Variants in ADAMTS3 observed in about 807,000 individuals in gnomAD.
ADAMTS3 encodes A disintegrin and metalloproteinase with thrombospondin motifs 3.
In ADAMTS3, 73 loss-of-function variants were observed where a neutral mutation model predicts 129.0. The observed-to-expected ratio is 0.57, with a 90% confidence interval of 0.47 to 0.69. The LOEUF is 0.69. ADAMTS3 is among the 30% of genes least tolerant of loss of function. The probability of loss-of-function intolerance (pLI) is 0.00; values close to 1 mark genes in which losing one functional copy is unlikely to be tolerated. For synonymous variants in ADAMTS3, 477 were observed against 510.8 expected (o/e 0.93, Z 0.89); for missense variants, 1,457 against 1,514.5 (o/e 0.96, Z 0.63).
rs139921635 is a variant in ADAMTS3 at position 72,315,920 on chromosome 4, G to A, written c.1537C>T (p.Pro513Ser). The A allele has an allele frequency of 9.3e-6, 15 of 1,613,310 alleles. No individual in the cohort carries two copies. The highest frequency in any genetic ancestry group is 7.7e-5 in the South Asian group (7 of 91,040). The change falls in exon 11 of 22, where the codon CCC becomes TCC. Residue 513 changes from proline to serine, a missense_variant. Pro to Ser is a moderately conservative substitution (Grantham distance 74). Transcript: ENST00000286657. ...CCCTTTTTAGTCTTACAAAAGTAGG[G>A]ATTATCAGGATGGCTACACCACAGC... is the stretch of plus-strand genomic sequence containing the variant. Reference protein sequence around the residue: ...KQLWCSHPDNPYFCKTKKGPP... With the variant: ...KQLWCSHPDNSYFCKTKKGPP...
At chr4:72,473,042 A>T (rs2109995840) in intron 3 of ADAMTS3, among the ~76,000 whole-genome samples, 1 of 152,312 alleles carries the variant, frequency 6.6e-6, no homozygotes, top group East Asian at 1.9e-4. Context: ...TAAAAATAAA[A>T]AATTAATATT....
intron 19 of ADAMTS3, among the ~76,000 whole-genome samples, chr4:72,294,600 T>A (rs1477941127): frequency 6.6e-6 from 1 of 152,050 alleles, no homozygotes; most frequent in Non-Finnish European, 1.5e-5. Flanking sequence ...AAAAACTCTA[T>A]AAGTACACAG....
At position 72,538,937 on chromosome 4, in the gene ADAMTS3, G is replaced by C. The variant is rs116120835; in HGVS notation, c.504+9541C>G. Among the ~76,000 whole-genome samples, 1,193 of 152,166 alleles carry C rather than the reference G, an allele frequency of 7.8e-3. 12 individuals carry two copies. Among genetic ancestry groups the C allele is most frequent in the Non-Finnish European group, 0.012 (795 of 67,996 alleles). ...GAAAAGACAGTCTTTTCAACAAATG[G>C]AGCTTGGAAAACTTGATATCCACAT... On this transcript the variant is annotated intron_variant, in intron 3 of 21. Transcript: ENST00000286657.
chr4:72,288,546 T>C (rs1258121774), intron 21 of ADAMTS3, among the ~76,000 whole-genome samples: 1 of 152,194 alleles, frequency 6.6e-6, no homozygotes, highest in Non-Finnish European at 1.5e-5. Context: ...GGCAGGGCTA[T>C]AGTGATCATG....
chr4:72,526,282 T>C (rs1720804538), intron 3 of ADAMTS3, among the ~76,000 whole-genome samples: 1 of 152,152 alleles, frequency 6.6e-6, no homozygotes, highest in African/African-American at 2.4e-5. Context: ...ATGAGCTGCT[T>C]TAGCAGCAGA....
intron 3 of ADAMTS3, among the ~76,000 whole-genome samples, chr4:72,429,778 A>G (rs1196500749): frequency 6.6e-6 from 1 of 152,078 alleles, no homozygotes; most frequent in African/African-American, 2.4e-5. Context: ...CAGGAATTCA[A>G]ACCAGATCAG....
chr4:72,421,262 G>C (rs1332521388), intron 3 of ADAMTS3, among the ~76,000 whole-genome samples: 1 of 152,114 alleles, frequency 6.6e-6, no homozygotes, highest in African/African-American at 2.4e-5. Flanking sequence ...AATTAGCATC[G>C]CTTTCACTCT....
At chr4:72,500,065 T>C (rs760856292) in intron 3 of ADAMTS3, among the ~76,000 whole-genome samples, 54 of 152,210 alleles carry the variant, frequency 3.5e-4, no homozygotes, top group Admixed American at 8.5e-4. Flanking sequence ...TTTGTTATTG[T>C]GAACAGTGCT....
intron 6 of ADAMTS3, 42 bp from the exon 7 acceptor site, chr4:72,320,912 C>T (rs1261281186): frequency 2.5e-6 from 4 of 1,575,656 alleles, no homozygotes; most frequent in Non-Finnish European, 2.6e-6. Flanking sequence ...TGACAATTTC[C>T]CAAAGGCTTC....
At chr4:72,484,284 T>G (rs566608638) in intron 3 of ADAMTS3, among the ~76,000 whole-genome samples, 1 of 152,360 alleles carries the variant, frequency 6.6e-6, no homozygotes, top group South Asian at 2.1e-4. Context: ...ATTCTTCCAG[T>G]AATGTCCTGA....
chr4:72,531,296 C>A (rs1257194521), intron 3 of ADAMTS3, among the ~76,000 whole-genome samples: 1 of 152,068 alleles, frequency 6.6e-6, no homozygotes, highest in Non-Finnish European at 1.5e-5. Context: ...TGGTGCCCAA[C>A]TTTTCTTTTT....
At chr4:72,556,800 A>T (rs1370744848) in intron 2 of ADAMTS3, among the ~76,000 whole-genome samples, 7 of 151,868 alleles carry the variant, frequency 4.6e-5, no homozygotes, top group Non-Finnish European at 2.9e-5. Context: ...TCCATCTAAT[A>T]ACACTTTAAT....
chr4:72,506,168 T>G (rs988060156), intron 3 of ADAMTS3, among the ~76,000 whole-genome samples: 7 of 152,088 alleles, frequency 4.6e-5, no homozygotes, highest in Admixed American at 1.3e-4. Flanking sequence ...TCCACTGCAC[T>G]ACGATCTATG....
chr4:72,326,769 GT>G (rs777878402), intron 5 of ADAMTS3, among the ~76,000 whole-genome samples: 3 of 152,014 alleles, frequency 2.0e-5, no homozygotes, highest in Non-Finnish European at 4.4e-5. Context: ...CTTAATCACA[GT>G]TTTTACTGAA....
At chr4:72,480,387 C>T (rs1037044019) in intron 3 of ADAMTS3, among the ~76,000 whole-genome samples, 1 of 152,076 alleles carries the variant, frequency 6.6e-6, no homozygotes, top group Non-Finnish European at 1.5e-5. Context: ...GAGTTCATGT[C>T]CTTTGTAGGG....
intron 3 of ADAMTS3, among the ~76,000 whole-genome samples, chr4:72,428,290 TA>T (rs970091201): frequency 1.3e-5 from 2 of 152,060 alleles, no homozygotes; most frequent in African/African-American, 2.4e-5. Context: ...TTTTATTCAT[TA>T]AAAAAACTCT....
chr4:72,512,244 G>A lies in ADAMTS3; in HGVS notation c.504+36234C>T, dbSNP rs1256757446. Among the ~76,000 whole-genome samples the A allele has an allele frequency of 5.9e-5, 9 of 152,266 alleles. No individual in the cohort carries two copies. The East Asian group carries it at 1.4e-3, about 23-fold the overall frequency. The stretch of plus-strand genomic sequence containing the variant: ...TAATCCCTGCACTTTGGGAGGCCGC[G>A]GTGGACAGATCTTGAGGTGGGTGGA... On this transcript the variant is annotated intron_variant, in intron 3 of 21. Coordinates refer to ENST00000286657, the MANE Select transcript of ADAMTS3 (RefSeq NM_014243.3).
chr4:72,450,715 C>A (rs762049319), intron 3 of ADAMTS3, among the ~76,000 whole-genome samples: 1 of 151,420 alleles, frequency 6.6e-6, no homozygotes, highest in Non-Finnish European at 1.5e-5. Context: ...AAGCTTCTCT[C>A]AATCAAAATT....
intron 20 of ADAMTS3, among the ~76,000 whole-genome samples, chr4:72,290,385 A>G (rs553452523): frequency 1.3e-5 from 2 of 152,250 alleles, no homozygotes; most frequent in East Asian, 3.9e-4. Context: ...GTGGAGAAGG[A>G]GAGATTATCA....
Sources: gnomAD v4.1 joint callset for allele counts (sites outside exome capture counted in the v4.1 genomes callset) on GRCh38, gnomAD v4.1.1 for gene constraint, MANE v1.5 for transcripts, NCBI Gene and HGNC (gene_info 2026-07-23, HGNC 2026-07-21) for gene names.